Variants in IGHMBP2 observed in about 807,000 individuals in gnomAD.
The protein encoded by IGHMBP2 is immunoglobulin mu DNA binding protein 2, also known as DNA-binding protein SMUBP-2.
A neutral mutation model predicts 96.0 loss-of-function variants in IGHMBP2; 81 were observed. The ratio of observed to expected loss-of-function variants is 0.84; its 90% CI spans 0.71 to 1.01. IGHMBP2 has a LOEUF of 1.01. Among genes scored for constraint, IGHMBP2 ranks in the 50% least tolerant of loss-of-function variants. The pLI is 0.00. For synonymous variants in IGHMBP2, 557 were observed against 548.9 expected (o/e 1.01, Z -0.21); for missense variants, 1,227 against 1,306.3 (o/e 0.94, Z 0.94).
chr11:68,938,521 A>G (rs1448171002), intron 14 of IGHMBP2, among the ~76,000 whole-genome samples, 167 bp downstream of exon 14: 3 of 152,266 alleles, frequency 2.0e-5, no homozygotes, highest in Non-Finnish European at 4.4e-5. Flanking sequence ...ATCGGTTTTC[A>G]GCACATCAGG....
chr11:68,918,261 G>C (rs1179290661), intron 7 of IGHMBP2, among the ~76,000 whole-genome samples: 1 of 150,836 alleles, frequency 6.6e-6, no homozygotes, highest in African/African-American at 2.4e-5. Flanking sequence ...ATACTGGTTT[G>C]TGTGCTCTTT....
In IGHMBP2 at chr11:68,908,230, C is replaced by T. The variant is rs756861635; in HGVS notation, c.342C>T (p.Val114=). 1 of 1,614,052 alleles carries T rather than the reference C, an allele frequency of 6.2e-7. No individual in the cohort carries two copies. The highest frequency in any genetic ancestry group is 2.2e-5 in the East Asian group (1 of 44,874). Residue 114 remains valine (V), a synonymous_variant, in exon 3 of 15, where the codon GTC becomes GTT. Coordinates refer to ENST00000255078, the MANE Select transcript of IGHMBP2 (RefSeq NM_002180.3). ...GILTRVTQKS[V]TVAFDESHDF... ...TGACCCGGGTCACCCAGAAGTCGGT[C>T]ACGGTGGCCTTTGATGAGTCCCACG...
intron 7 of IGHMBP2, 88 bp from the exon 8 acceptor site, chr11:68,929,095 C>T (rs1477260509): frequency 4.8e-6 from 6 of 1,246,286 alleles, no homozygotes; most frequent in Non-Finnish European, 7.0e-6. Context: ...TTGATGAAAC[C>T]CCAGCTTGAT....
At chr11:68,933,106 G>A (rs868045103) in intron 8 of IGHMBP2, 193 bp from the exon 9 acceptor site, 19 of 617,268 alleles carry the variant, frequency 3.1e-5, no homozygotes, top group Middle Eastern at 4.3e-4. Context: ...GAACATTCAC[G>A]GGCCTTGGCG....
rs188395003 is a variant in IGHMBP2, at chr11:68,911,316, C to T, written c.548-124C>T. On this transcript the variant is annotated intron_variant, in intron 4 of 14. Transcript: ENST00000255078. Reference sequence around the variant, plus strand: ...TTAATTTTGTGTTGATTGGGTTGCCCCTGGGGAGGTCCGGCGTGTTCCTGA... The same window carrying T: ...TTAATTTTGTGTTGATTGGGTTGCCTCTGGGGAGGTCCGGCGTGTTCCTGA... The T allele has an allele frequency of 9.4e-3, 8,605 of 916,924 alleles. 54 individuals carry two copies. The highest frequency in any genetic ancestry group is 0.016 in the Middle Eastern group (50 of 3,146). The allele number at this position is 916,924 out of a possible 1,614,324, so 56.8% of individuals were successfully genotyped here.
chr11:68,916,933 C>G (rs1462919835), intron 6 of IGHMBP2, among the ~76,000 whole-genome samples: 1 of 151,242 alleles, frequency 6.6e-6, no homozygotes, highest in Non-Finnish European at 1.5e-5. Flanking sequence ...TGCTAAAACT[C>G]CATCCCCCAA....
rs777975731 is a variant in IGHMBP2, at chr11:68,933,806, G to C, written c.1430G>C (p.Gly477Ala). ...TGCCTGTGTGCCAGGGACCTCCCAG[G>C]TGTGGCTGCCACAGAAGAGACGGGT... Reference protein sequence around the residue: ...VARHLLRDLPGVAATEETGVP... With the variant: ...VARHLLRDLPAVAATEETGVP... Residue 477 changes from glycine to alanine, a missense_variant, in exon 10 of 15, where the codon GGT becomes GCT. By Grantham distance (60) the Gly-to-Ala change is moderately conservative (BLOSUM62 0). Coordinates refer to ENST00000255078, the MANE Select transcript of IGHMBP2 (RefSeq NM_002180.3). 1 of 1,612,302 alleles carries C rather than the reference G, an allele frequency of 6.2e-7. No homozygotes were observed. Among genetic ancestry groups the C allele is most frequent in the South Asian group, 1.1e-5 (1 of 90,708 alleles).
chr11:68,935,564 G>A (rs529548600), intron 12 of IGHMBP2, 142 bp downstream of exon 12: 92 of 994,330 alleles, frequency 9.3e-5, no homozygotes, highest in Middle Eastern at 5.0e-4. Flanking sequence ...GTAAGTTCAC[G>A]TCAGGCAAAG....
intron 14 of IGHMBP2, 52 bp from the exon 15 acceptor site, chr11:68,939,482 A>G: frequency 1.3e-6 from 2 of 1,587,152 alleles, no homozygotes; most frequent in South Asian, 1.1e-5. Flanking sequence ...GAGCTGCAGG[A>G]TCTGCCTCCT....
Position 68,908,250 on chromosome 11 carries a change from C to T in IGHMBP2, c.362C>T (p.Ser121Phe), listed in dbSNP as rs2228205. 3.3e-4 allele frequency: 539 copies of T among 1,614,016 alleles called. No individual in the cohort carries two copies. The African/African-American group carries it at 6.4e-3, about 19-fold the overall frequency. Residue 121 changes from serine to phenylalanine, a missense_variant, in exon 3 of 15, where the codon TCC becomes TTC. Around this residue, in one of 3 missense-constraint regions of IGHMBP2, gnomAD observed 507 missense variants for 496.9 expected, o/e 1.02. Coordinates refer to ENST00000255078, the MANE Select transcript of IGHMBP2 (RefSeq NM_002180.3). The part of the protein sequence containing the change: ...QKSVTVAFDE[S>F]HDFQLSLDRE... ...TCGGTCACGGTGGCCTTTGATGAGT[C>T]CCACGATTTCCAGTTGAGCTTGGAC...
rs750908387 is a variant in IGHMBP2 at position 68,939,620 on chromosome 11, G to A, written c.2871G>A (p.Lys957=). The part of the protein sequence containing the change: ...EGVLYAGSGT[K]NGSLDPAKRA... ...TCCTCTATGCCGGCAGCGGGACCAA[G>A]AACGGATCCCTGGACCCAGCCAAGA... The change falls in exon 15 of 15, where the codon AAG becomes AAA. Residue 957 remains lysine, a synonymous_variant. Coordinates refer to ENST00000255078, the MANE Select transcript of IGHMBP2 (RefSeq NM_002180.3). 2 of 1,613,576 alleles carry A rather than the reference G, an allele frequency of 1.2e-6. No individual in the cohort carries two copies. The highest frequency in any genetic ancestry group is 1.7e-6 in the Non-Finnish European group (2 of 1,180,010).
At chr11:68,936,151 G>C in intron 12 of IGHMBP2, 86 bp from the exon 13 acceptor site, 1 of 1,497,534 alleles carries the variant, frequency 6.7e-7, no homozygotes, top group Non-Finnish European at 9.2e-7. Context: ...CTACACTTTT[G>C]GTGGTGGTTA....
At chr11:68,935,099 A>G (rs1416936164) in intron 11 of IGHMBP2, among the ~76,000 whole-genome samples, 200 bp from the exon 12 acceptor site, 1 of 152,238 alleles carries the variant, frequency 6.6e-6, no homozygotes, top group East Asian at 1.9e-4. Context: ...ATCAAATGCC[A>G]GGGACAGGGT....
chr11:68,921,650 T>G (rs998969838), intron 7 of IGHMBP2, among the ~76,000 whole-genome samples: 5 of 152,238 alleles, frequency 3.3e-5, no homozygotes, highest in Non-Finnish European at 7.3e-5. Context: ...TGAATTATCT[T>G]TAAAGAGATC....
Position 68,933,335 on chromosome 11 carries a change from A to G in IGHMBP2, c.1272A>G (p.Glu424=). Residue 424 remains glutamate (E), a synonymous_variant, in exon 9 of 15, where the codon GAA becomes GAG. Transcript: ENST00000255078. ...CAGGACTGTCACTCAGCCTGATGGA[A>G]CGCCTGGCTGAGGAGTACGGCGCGA... ...ALAGLSLSLM[E]RLAEEYGARV... 2 of 1,613,158 alleles carry G rather than the reference A, an allele frequency of 1.2e-6. No homozygotes were observed. The highest frequency in any genetic ancestry group is 2.2e-5 in the East Asian group (1 of 44,868).
chr11:68,929,784 A>G (rs189022945), intron 8 of IGHMBP2: 4 of 983,786 alleles, frequency 4.1e-6, no homozygotes, highest in Non-Finnish European at 3.6e-6. Flanking sequence ...GCAGAGACTC[A>G]GCAAACCATG....
chr11:68,927,183 T>C (rs1490349284), intron 7 of IGHMBP2, among the ~76,000 whole-genome samples: 1 of 152,278 alleles, frequency 6.6e-6, no homozygotes, highest in Admixed American at 6.5e-5. Flanking sequence ...GTAGCAACTC[T>C]GGAAGTCAGG....
intron 14 of IGHMBP2, 119 bp from the exon 15 acceptor site, chr11:68,939,415 G>T: frequency 2.0e-6 from 2 of 1,014,674 alleles, no homozygotes; most frequent in South Asian, 1.4e-5. Flanking sequence ...CTGACATGGC[G>T]GGAGGAGTGG....
intron 6 of IGHMBP2, among the ~76,000 whole-genome samples, chr11:68,916,649 G>A (rs999738400): frequency 1.3e-5 from 2 of 152,106 alleles, no homozygotes; most frequent in Non-Finnish European, 2.9e-5. Context: ...GAGGAGTGGC[G>A]GCAGCAGAGA....
Sources: gnomAD v4.1 joint callset for allele counts (sites outside exome capture counted in the v4.1 genomes callset) on GRCh38, gnomAD v4.1.1 for gene constraint, gnomAD v4.1.1 regional missense constraint, MANE v1.5 for transcripts, NCBI Gene and HGNC (gene_info 2026-07-23, HGNC 2026-07-21) for gene names.